Variants in DMD observed in about 807,000 individuals in gnomAD.
The protein encoded by DMD is mutant dystrophin.
DMD carries 63 observed loss-of-function variants against 330.1 expected under a neutral mutation model. The ratio of observed to expected loss-of-function variants is 0.19; its 90% CI spans 0.16 to 0.24. DMD has a LOEUF of 0.24. Among genes scored for constraint, DMD ranks in the 10% least tolerant of loss-of-function variants. DMD has a pLI of 1.00. For synonymous variants in DMD, 1,223 were observed against 959.8 expected, an observed-to-expected ratio of 1.27 and a Z score of -5.07; for missense variants, 3,344 against 2,684.1, an observed-to-expected ratio of 1.25 and a Z score of -5.43.
chrX:32,581,713 C>T (rs186232571), intron 13 of DMD, among the ~76,000 whole-genome samples: 2 of 111,542 alleles, frequency 1.8e-5, no homozygotes, highest in East Asian at 5.6e-4. Context: ...AAGCCAGTTA[C>T]CAAGCCTGCA....
At chrX:33,251,650 A>G (rs1346232049) in intron 1 of DMD, among the ~76,000 whole-genome samples, 1 of 112,073 alleles carries the variant, frequency 8.9e-6, no homozygotes, top group African/African-American at 3.2e-5. Flanking sequence ...CATCAGTGTT[A>G]TATGCAGTAG....
rs1311909709 is a variant in DMD, at chrX:31,337,215, G to A, written c.9163+11341C>T. The stretch of plus-strand genomic sequence containing the variant: ...TGGGATTATAGGTGTGAGCCACCGC[G>A]CCCGGCCCATGTTATTCTTCATGCC... On this transcript the variant is annotated intron_variant, in intron 61 of 78. Transcript: ENST00000357033. Among the ~76,000 whole-genome samples the A allele has an allele frequency of 7.2e-5, 8 of 110,593 alleles. No individual in the cohort carries two copies. In the East Asian group the frequency reaches 1.1e-3, roughly 16 times the overall value.
chrX:32,221,118 T>TG (rs1232008678), intron 43 of DMD, among the ~76,000 whole-genome samples: 14 of 111,605 alleles, frequency 1.3e-4, no homozygotes, highest in Middle Eastern at 4.6e-3. Context: ...TTCGGTACTC[T>TG]GGGGCATACT....
chrX:31,607,915 A>C (rs1321761715), intron 55 of DMD, among the ~76,000 whole-genome samples: 1 of 112,177 alleles, frequency 8.9e-6, no homozygotes, highest in Non-Finnish European at 1.9e-5. Flanking sequence ...CTCTTTTCAC[A>C]GTGTTTTTGT....
At chrX:32,394,321 CATGTTA>C (rs2098024952) in intron 30 of DMD, among the ~76,000 whole-genome samples, 1 of 111,402 alleles carries the variant, frequency 9.0e-6, no homozygotes, top group African/African-American at 3.3e-5. Flanking sequence ...AGGGTGAAAT[CATGTTA>C]ACAGTAACCA....
chrX:31,910,964 C>T (rs181545286), intron 47 of DMD, among the ~76,000 whole-genome samples: 34 of 112,334 alleles, frequency 3.0e-4, no homozygotes, highest in African/African-American at 1.1e-3. Context: ...CTTACTAAAT[C>T]CACAGCATCG....
intron 7 of DMD, among the ~76,000 whole-genome samples, chrX:32,805,274 C>A (rs1180306301): frequency 9.0e-6 from 1 of 111,680 alleles, no homozygotes; most frequent in East Asian, 2.8e-4. Context: ...AATAAATGAC[C>A]TGATGGAACT....
chrX:33,027,766 G>A (rs1275153950), intron 1 of DMD, among the ~76,000 whole-genome samples: 3 of 111,868 alleles, frequency 2.7e-5, no homozygotes, highest in Non-Finnish European at 3.8e-5. Context: ...AAAATCCAGA[G>A]CTTCCTTGAT....
At chrX:33,294,848 A>G (rs2053562519) in intron 1 of DMD, among the ~76,000 whole-genome samples, 1 of 111,155 alleles carries the variant, frequency 9.0e-6, no homozygotes, top group African/African-American at 3.3e-5. Context: ...TCATACAAGC[A>G]GTATATACAA....
chrX:32,115,478 A>C (rs990431398), intron 44 of DMD, among the ~76,000 whole-genome samples: 3 of 111,072 alleles, frequency 2.7e-5, no homozygotes, highest in African/African-American at 9.8e-5. Context: ...CCTGGGCTCA[A>C]GTAATTCTCC....
At chrX:32,565,034 A>G (rs2051522853) in intron 16 of DMD, among the ~76,000 whole-genome samples, 1 of 111,611 alleles carries the variant, frequency 9.0e-6, no homozygotes, top group African/African-American at 3.3e-5. Flanking sequence ...ACATAAGACA[A>G]AAAGAGGTTC....
chrX:32,828,438 C>T (rs1218682748), intron 4 of DMD, among the ~76,000 whole-genome samples: 1 of 104,674 alleles, frequency 9.6e-6, no homozygotes, highest in Non-Finnish European at 1.9e-5. Flanking sequence ...TATACTGGAT[C>T]AGAGTGTGTG....
intron 16 of DMD, 71 bp downstream of exon 16, chrX:32,565,631 A>C (rs915714208): frequency 9.4e-7 from 1 of 1,063,738 alleles, no homozygotes; most frequent in Non-Finnish European, 1.3e-6. Flanking sequence ...TAGGGTTATA[A>C]TGTCACTCTC....
At chrX:31,874,392 G>T (rs1035866715) in intron 48 of DMD, among the ~76,000 whole-genome samples, 2 of 110,656 alleles carry the variant, frequency 1.8e-5, no homozygotes, top group Admixed American at 9.7e-5. Context: ...GTCTACAAAA[G>T]AGCCCAGACA....
Position 32,472,271 on chromosome X carries a change from T to G in DMD, c.2842A>C (p.Met948Leu), listed in dbSNP as rs186628781. ...TGGACCCATGTCCTGATGGCACTCA[T>G]GGTCTCCTGATAGCGCATTGGTGGC... is the stretch of plus-strand genomic sequence containing the variant. ...TLPPMRYQET[M>L]SAIRTWVQQS... Residue 948 changes from methionine (M) to leucine (L), a missense_variant, in exon 22 of 79, where the codon ATG becomes CTG. Met to Leu is a conservative substitution (Grantham distance 15). Coordinates refer to ENST00000357033, the MANE Select transcript of DMD (RefSeq NM_004006.3). The G allele has an allele frequency of 8.3e-7, 1 of 1,209,213 alleles. No individual in the cohort carries two copies.
intron 63 of DMD, among the ~76,000 whole-genome samples, chrX:31,258,038 C>A (rs1000590727): frequency 8.9e-6 from 1 of 112,064 alleles, no homozygotes; most frequent in African/African-American, 3.2e-5. Flanking sequence ...TGTTTAGGAC[C>A]CACCATACCA....
intron 1 of DMD, among the ~76,000 whole-genome samples, chrX:33,239,435 C>A (rs1383015440): frequency 1.1e-5 from 1 of 92,802 alleles, no homozygotes; most frequent in African/African-American, 3.5e-5. Flanking sequence ...AGCTAAGGAC[C>A]AATCTAAACA....
At chrX:33,307,784 G>T (rs1192314843) in intron 1 of DMD, among the ~76,000 whole-genome samples, 4 of 111,353 alleles carry the variant, frequency 3.6e-5, no homozygotes, top group African/African-American at 6.5e-5. Flanking sequence ...AGTAAGCAGC[G>T]CCTCTATTGT....
chrX:31,573,684 A>C (rs2075941632), intron 55 of DMD, among the ~76,000 whole-genome samples: 2 of 111,916 alleles, frequency 1.8e-5, no homozygotes, highest in Admixed American at 1.9e-4. Flanking sequence ...TAGTAAGATT[A>C]CATAAAACAG....
Sources: allele counts gnomAD v4.1 joint callset (sites outside exome capture counted in the v4.1 genomes callset), GRCh38; gene constraint gnomAD v4.1.1; transcripts MANE v1.5; gene names NCBI Gene and HGNC (gene_info 2026-07-23, HGNC 2026-07-21).